The following SNCAIP variants were observed in gnomAD, a reference collection of about 807,000 sequenced individuals.
SNCAIP encodes the protein synuclein alpha interacting protein, also known as synphilin-1.
Under a neutral mutation model 86.7 loss-of-function variants are expected in SNCAIP, and 43 were observed. The ratio of observed to expected loss-of-function variants is 0.50; its 90% CI spans 0.39 to 0.64. The LOEUF is 0.64. Ranked by LOEUF, SNCAIP falls within the 30% of genes least tolerant of loss-of-function variation. SNCAIP has a pLI of 0.00. For synonymous variants in SNCAIP, 417 were observed against 427.2 expected (o/e 0.98, Z 0.29); for missense variants, 981 against 1,103.1 (o/e 0.89, Z 1.57).
chr5:122,449,517 T>A (rs1362107978), intron 8 of SNCAIP, among the ~76,000 whole-genome samples: 1 of 152,180 alleles, frequency 6.6e-6, no homozygotes, highest in Non-Finnish European at 1.5e-5. Context: ...TTAGGAAGAC[T>A]TCTTCTATGT....
At chr5:122,460,695 CTATGT>C (rs1785978746) in intron 10 of SNCAIP, among the ~76,000 whole-genome samples, 1 of 152,104 alleles carries the variant, frequency 6.6e-6, no homozygotes, top group Admixed American at 6.5e-5. Context: ...TTATGTTGTC[CTATGT>C]TATATTTTCT....
intron 6 of SNCAIP, among the ~76,000 whole-genome samples, chr5:122,435,744 G>A (rs1234787708): frequency 1.3e-5 from 2 of 152,060 alleles, no homozygotes; most frequent in Non-Finnish European, 2.9e-5. Context: ...ATGCTGGTGA[G>A]GGGGGTGTTC....
chr5:122,454,762 T>A (rs184556762), intron 10 of SNCAIP, among the ~76,000 whole-genome samples: 17 of 152,288 alleles, frequency 1.1e-4, no homozygotes, highest in Non-Finnish European at 2.1e-4. Context: ...GAAGAATACT[T>A]CTTATTTCTT....
intron 1 of SNCAIP, among the ~76,000 whole-genome samples, chr5:122,333,583 G>GT (rs1755817807): frequency 6.6e-6 from 1 of 152,192 alleles, no homozygotes; most frequent in African/African-American, 2.4e-5. Flanking sequence ...GGCGGAGACC[G>GT]TATCTCATTT....
At chr5:122,401,477 C>G (rs982523126) in intron 2 of SNCAIP, among the ~76,000 whole-genome samples, 2 of 152,118 alleles carry the variant, frequency 1.3e-5, no homozygotes, top group African/African-American at 4.8e-5. Flanking sequence ...TGGACTTGTT[C>G]ACAATGTAGA....
chr5:122,401,825 C>G (rs1377934337), intron 2 of SNCAIP, among the ~76,000 whole-genome samples: 1 of 152,186 alleles, frequency 6.6e-6, no homozygotes, highest in African/African-American at 2.4e-5. Flanking sequence ...CAAATTAAAA[C>G]TTACTATACA....
At chr5:122,326,836 A>T (rs1394335056) in intron 1 of SNCAIP, among the ~76,000 whole-genome samples, 1 of 151,742 alleles carries the variant, frequency 6.6e-6, no homozygotes, top group Non-Finnish European at 1.5e-5. Context: ...ACTTTTATAA[A>T]CATCTTATTT....
intron 1 of SNCAIP, among the ~76,000 whole-genome samples, chr5:122,381,508 G>C (rs1409883208): frequency 2.0e-5 from 3 of 148,334 alleles, no homozygotes; most frequent in African/African-American, 5.0e-5. Context: ...TTGCCAGTCT[G>C]TGTCTTTTAA....
At chr5:122,400,800 G>C (rs1464685846) in intron 2 of SNCAIP, among the ~76,000 whole-genome samples, 20 of 152,202 alleles carry the variant, frequency 1.3e-4, no homozygotes, top group Admixed American at 6.5e-4. Context: ...TCAACCTTTG[G>C]CAGAGCTCTT....
chr5:122,442,642 T>C (rs571638661), intron 7 of SNCAIP, among the ~76,000 whole-genome samples: 8 of 152,246 alleles, frequency 5.3e-5, no homozygotes, highest in Non-Finnish European at 1.0e-4. Context: ...AATATGCTTT[T>C]CTATTTAACA....
At chr5:122,451,741 C>A (rs1678137782) in intron 10 of SNCAIP, 140 bp downstream of exon 10, 1 of 648,270 alleles carries the variant, frequency 1.5e-6, no homozygotes, top group South Asian at 1.9e-5. Context: ...GGAAAGCCAA[C>A]TTCATGTGTC....
At chr5:122,427,222 G>A (rs554625148) in intron 5 of SNCAIP, among the ~76,000 whole-genome samples, 2 of 152,150 alleles carry the variant, frequency 1.3e-5, no homozygotes, top group South Asian at 4.1e-4. Flanking sequence ...AAATCTCTGA[G>A]TAGAAGGTAC....
chr5:122,436,386 C>A (rs1779480934), intron 6 of SNCAIP: 1 of 152,038 alleles, frequency 6.6e-6, no homozygotes, highest in Non-Finnish European at 1.5e-5. Context: ...TATTGAATCT[C>A]CTCCAACTTA....
chr5:122,339,492 T>G (rs1324171042), intron 1 of SNCAIP, among the ~76,000 whole-genome samples: 1 of 152,046 alleles, frequency 6.6e-6, no homozygotes, highest in Non-Finnish European at 1.5e-5. Flanking sequence ...GGGTGTGTAC[T>G]TTTTAGCCAA....
chr5:122,457,055 G>A (rs1340803703), intron 10 of SNCAIP, among the ~76,000 whole-genome samples: 1 of 152,220 alleles, frequency 6.6e-6, no homozygotes, highest in South Asian at 2.1e-4. Flanking sequence ...AGGCTGGAGT[G>A]CAGTGGTGCG....
chr5:122,320,232 T>A (rs1752637023), intron 1 of SNCAIP, among the ~76,000 whole-genome samples: 1 of 152,206 alleles, frequency 6.6e-6, no homozygotes, highest in Admixed American at 6.5e-5. Flanking sequence ...ACTGGTTTGA[T>A]CATCTCTAGG....
intron 10 of SNCAIP, among the ~76,000 whole-genome samples, chr5:122,458,037 GCTC>G (rs1785200648): frequency 6.6e-6 from 1 of 152,184 alleles, no homozygotes; most frequent in Admixed American, 6.6e-5. Flanking sequence ...CTTTTCATAA[GCTC>G]CTTACACTGG....
intron 3 of SNCAIP, among the ~76,000 whole-genome samples, chr5:122,408,957 A>T (rs978095840): frequency 2.0e-5 from 3 of 152,220 alleles, no homozygotes; most frequent in Non-Finnish European, 4.4e-5. Context: ...TAACAAGTGG[A>T]TGTGAAACTT....
intron 5 of SNCAIP, among the ~76,000 whole-genome samples, chr5:122,428,714 G>C (rs780782964): frequency 1.3e-5 from 2 of 151,848 alleles, no homozygotes; most frequent in Non-Finnish European, 2.9e-5. Context: ...ATTTACATTA[G>C]GTATTTCTCC....
Sources: allele counts gnomAD v4.1 joint callset (sites outside exome capture counted in the v4.1 genomes callset), GRCh38; gene constraint gnomAD v4.1.1; transcripts MANE v1.5; gene names NCBI Gene and HGNC (gene_info 2026-07-23, HGNC 2026-07-21).